Variants in IQSEC1 observed in about 807,000 individuals in gnomAD.
The protein encoded by IQSEC1 is IQ motif and Sec7 domain ArfGEF 1.
IQSEC1 carries 31 observed loss-of-function variants against 91.0 expected under a neutral mutation model. The ratio of observed to expected loss-of-function variants is 0.34; its 90% CI spans 0.26 to 0.46. IQSEC1 has a LOEUF of 0.46. Among genes scored for constraint, IQSEC1 ranks in the 20% least tolerant of loss-of-function variants. IQSEC1 has a pLI of 1.00. For missense variants in IQSEC1, 1,388 were observed against 1,575.6 expected, an observed-to-expected ratio of 0.88 and a Z score of 2.02; for synonymous variants, 699 against 662.6, an observed-to-expected ratio of 1.05 and a Z score of -0.84.
chr3:12,927,938 G>A (rs1337396639), intron 3 of IQSEC1, among the ~76,000 whole-genome samples: 1 of 152,188 alleles, frequency 6.6e-6, no homozygotes, highest in Non-Finnish European at 1.5e-5. Context: ...AGGCGAAGGG[G>A]GTAGTGGGGC....
chr3:12,974,355 G>C (rs554529623), intron 1 of IQSEC1, among the ~76,000 whole-genome samples: 1 of 152,348 alleles, frequency 6.6e-6, no homozygotes, highest in South Asian at 2.1e-4. Context: ...ATGCTGGTCT[G>C]TTGTAAACGT....
intron 1 of IQSEC1, among the ~76,000 whole-genome samples, chr3:13,268,689 C>T (rs924189980): frequency 1.3e-5 from 2 of 152,228 alleles, no homozygotes; most frequent in African/African-American, 2.4e-5. Context: ...TTTCCCTGCA[C>T]CTCAAAGAAT....
At chr3:12,904,126 G>A (rs909606448) in intron 12 of IQSEC1, among the ~76,000 whole-genome samples, 31 of 152,260 alleles carry the variant, frequency 2.0e-4, no homozygotes, top group African/African-American at 7.2e-4. Context: ...ACCAGCCAGT[G>A]ACAGGTGGAG....
chr3:13,134,217 A>G (rs1706670608), intron 2 of IQSEC1, among the ~76,000 whole-genome samples: 1 of 152,172 alleles, frequency 6.6e-6, no homozygotes, highest in African/African-American at 2.4e-5. Flanking sequence ...TCAGGGCTGG[A>G]GCTGGGGGCC....
chr3:12,943,716 C>T (rs1253248314), intron 1 of IQSEC1, among the ~76,000 whole-genome samples: 1 of 152,210 alleles, frequency 6.6e-6, no homozygotes, highest in African/African-American at 2.4e-5. Context: ...CCTGCAGGAC[C>T]CCAGTGCCCA....
intron 1 of IQSEC1, among the ~76,000 whole-genome samples, chr3:13,242,070 C>T (rs1271600493): frequency 2.0e-5 from 3 of 152,182 alleles, no homozygotes; most frequent in Non-Finnish European, 2.9e-5. Context: ...GATAAAACCA[C>T]CCACACAGGG....
chr3:13,212,733 T>C (rs540986838), intron 1 of IQSEC1, among the ~76,000 whole-genome samples: 4 of 152,348 alleles, frequency 2.6e-5, no homozygotes, highest in Admixed American at 2.0e-4. Flanking sequence ...TAGCGGCACC[T>C]CCTTGTGGTT....
intron 2 of IQSEC1, among the ~76,000 whole-genome samples, chr3:13,130,438 T>C (rs1706593253): frequency 6.6e-6 from 1 of 152,176 alleles, no homozygotes; most frequent in Non-Finnish European, 1.5e-5. Context: ...TGCACATACT[T>C]TGTGTGACTT....
chr3:12,919,345 G>A (rs779070918), intron 6 of IQSEC1, among the ~76,000 whole-genome samples: 3 of 152,188 alleles, frequency 2.0e-5, no homozygotes, highest in African/African-American at 7.2e-5. Flanking sequence ...CCTGCTCAGC[G>A]CCCCTTCCTG....
intron 1 of IQSEC1, among the ~76,000 whole-genome samples, chr3:13,170,155 C>G (rs919075072): frequency 1.3e-5 from 2 of 152,234 alleles, no homozygotes; most frequent in African/African-American, 4.8e-5. Flanking sequence ...TGCCTCCCAG[C>G]CATTCCAGCC....
intron 2 of IQSEC1, among the ~76,000 whole-genome samples, chr3:13,084,805 G>A (rs1680923915): frequency 6.6e-6 from 1 of 152,164 alleles, no homozygotes; most frequent in Non-Finnish European, 1.5e-5. Context: ...CTGGGGAGGC[G>A]ATAGTCTTCC....
intron 2 of IQSEC1, among the ~76,000 whole-genome samples, chr3:13,116,021 A>C (rs1373302232): frequency 6.6e-6 from 1 of 152,196 alleles, no homozygotes; most frequent in African/African-American, 2.4e-5. Flanking sequence ...CCTTCAGCCA[A>C]ATCAGCAGGA....
chr3:13,124,783 C>A (rs983085237), intron 2 of IQSEC1, among the ~76,000 whole-genome samples: 1 of 150,516 alleles, frequency 6.6e-6, no homozygotes, highest in Non-Finnish European at 1.5e-5. Flanking sequence ...GGATCCCCCC[C>A]AGACTGTCCT....
At chr3:13,077,752 G>A (rs1705585587), upstream of IQSEC1, among the ~76,000 whole-genome samples, 1 of 152,168 alleles carries the variant, frequency 6.6e-6, no homozygotes, top group Non-Finnish European at 1.5e-5. Flanking sequence ...GTGGGCTTCT[G>A]GAAGCCTGGC....
chr3:13,146,153 A>ATT (rs529843720), intron 2 of IQSEC1, among the ~76,000 whole-genome samples: 2 of 137,678 alleles, frequency 1.5e-5, no homozygotes, highest in African/African-American at 5.3e-5. Flanking sequence ...ACACTCAGCT[A>ATT]TTTTTTTTTT....
intron 1 of IQSEC1, among the ~76,000 whole-genome samples, chr3:13,194,138 A>C (rs182357733): frequency 7.2e-5 from 11 of 151,910 alleles, no homozygotes; most frequent in African/African-American, 2.4e-4. Flanking sequence ...TTTCCCCTTA[A>C]TCACCTCTGT....
chr3:13,063,791 AAGGG>A (rs1705148352), intron 1 of IQSEC1, among the ~76,000 whole-genome samples: 1 of 152,052 alleles, frequency 6.6e-6, no homozygotes, highest in African/African-American at 2.4e-5. Flanking sequence ...CCTTGGAGAG[AAGGG>A]CCCAAGGTGT....
At position 12,935,196 on chromosome 3, in the gene IQSEC1, G is replaced by A. The variant is rs529225894; in HGVS notation, c.1568+252C>T. Among the ~76,000 whole-genome samples the A allele has an allele frequency of 1.1e-4, 16 of 152,286 alleles. No individual in the cohort carries two copies. The South Asian group carries it at 2.9e-3, about 28-fold the overall frequency. On this transcript the variant is annotated intron_variant, in intron 3 of 13. Coordinates refer to ENST00000613206, the MANE Select transcript of IQSEC1 (RefSeq NM_001134382.3). The surrounding 1 kb of genome is among the most constrained non-coding windows in gnomAD (Gnocchi z 8.0). The stretch of plus-strand genomic sequence containing the variant: ...AAGGGCCCGGGACTCAAGTTGCTTC[G>A]GCACAGAAAGCTCCCATTCTGCCCC...
intron 2 of IQSEC1, among the ~76,000 whole-genome samples, chr3:13,116,089 C>G (rs1706329426): frequency 6.6e-6 from 1 of 152,228 alleles, no homozygotes; most frequent in Non-Finnish European, 1.5e-5. Flanking sequence ...GGACTTTAAC[C>G]TTGTTGCTAC....
Sources: gnomAD v4.1 joint callset for allele counts (sites outside exome capture counted in the v4.1 genomes callset) on GRCh38, gnomAD v4.1.1 for gene constraint, Gnocchi (gnomAD v3.1) non-coding constraint, MANE v1.5 for transcripts, NCBI Gene and HGNC (gene_info 2026-07-23, HGNC 2026-07-21) for gene names.